Variants in HAUS5 observed in about 807,000 individuals in gnomAD.
The protein encoded by HAUS5 is HAUS augmin like complex subunit 5, also known as HAUS augmin-like complex subunit 5.
Under a neutral mutation model 94.1 loss-of-function variants are expected in HAUS5, and 67 were observed. The observed-to-expected ratio is 0.71, with a 90% CI of 0.58 to 0.87. The LOEUF (loss-of-function observed/expected upper bound fraction) is 0.87. Among genes scored for constraint, HAUS5 ranks in the 40% least tolerant of loss-of-function variants. HAUS5 has a pLI of 0.00. For missense variants in HAUS5, 739 were observed against 825.6 expected (o/e 0.90, Z 1.29); for synonymous variants, 339 against 355.4 (o/e 0.95, Z 0.52).
intron 4 of HAUS5, among the ~76,000 whole-genome samples, chr19:35,614,545 C>G (rs2071924270): frequency 6.6e-6 from 1 of 152,126 alleles, no homozygotes; most frequent in Non-Finnish European, 1.5e-5. Context: ...GATCGCACTA[C>G]TGCACTCCAG....
In HAUS5 at chr19:35,622,734, G is replaced by A. The variant is rs1395859860; in HGVS notation, c.1784+1G>A. 6 of 1,613,856 alleles carry A rather than the reference G, an allele frequency of 3.7e-6. No individual in the cohort carries two copies. The highest frequency in any genetic ancestry group is 4.2e-6 in the Non-Finnish European group (5 of 1,179,898). The stretch of plus-strand genomic sequence containing the variant: ...AGCTGCAGGGGATCGTGGGGGACTG[G>A]TGAGAGGGGAACGTGCCGCGGATGG... On this transcript the variant is annotated splice_donor_variant, in intron 18 of 18. Coordinates refer to ENST00000203166, the MANE Select transcript of HAUS5 (RefSeq NM_015302.2). LOFTEE classifies it high-confidence loss of function.
At chr19:35,615,463 C>A in intron 6 of HAUS5, 77 bp downstream of exon 6, 2 of 1,162,274 alleles carry the variant, frequency 1.7e-6, no homozygotes, top group South Asian at 1.5e-5. Flanking sequence ...CTGCCCTGAT[C>A]CCTTCTTGGG....
chr19:35,622,457 G>A (rs1011819374), intron 17 of HAUS5, 144 bp from the exon 18 acceptor site: 23 of 840,944 alleles, frequency 2.7e-5, no homozygotes, highest in Non-Finnish European at 4.2e-5. Context: ...CTTCCAGGCT[G>A]GGAAGAGAAG....
chr19:35,616,083 G>A lies in HAUS5; in HGVS notation c.485+697G>A, dbSNP rs142494688. On this transcript the variant is annotated intron_variant, in intron 6 of 18. Transcript: ENST00000203166. ...TGTAATCCCAGCACTTTGGGAGGCCGAGGCAGGCGGATTACTTGAGGTCAG... is the reference window on the plus strand; with the variant it reads ...TGTAATCCCAGCACTTTGGGAGGCCAAGGCAGGCGGATTACTTGAGGTCAG... Among the ~76,000 whole-genome samples, 242 of 152,246 alleles carry A rather than the reference G, an allele frequency of 1.6e-3. No individual in the cohort carries two copies. The Middle Eastern group carries it at 0.02, about 13-fold the overall frequency.
intron 4 of HAUS5, 48 bp downstream of exon 4, chr19:35,614,107 G>A: frequency 6.4e-7 from 1 of 1,565,580 alleles, no homozygotes; most frequent in Non-Finnish European, 8.8e-7. Flanking sequence ...AAAATGACTT[G>A]TAGATCTTCT....
At position 35,623,053 on chromosome 19, in the gene HAUS5, C is replaced by A; in HGVS notation, c.*60C>A. 1 of 1,123,118 alleles carries A rather than the reference C, an allele frequency of 8.9e-7. No homozygotes were observed. Among genetic ancestry groups the A allele is most frequent in the Non-Finnish European group, 1.3e-6 (1 of 762,110 alleles). The allele number at this position is 1,123,118 out of a possible 1,614,324, so 69.6% of individuals were successfully genotyped here. On this transcript the variant is annotated 3_prime_UTR_variant, in exon 19 of 19. Coordinates refer to ENST00000203166, the MANE Select transcript of HAUS5 (RefSeq NM_015302.2). ...CTGTTCACCCCAACACCTCACCTCCCCCAGGACATTTGGAAGAAAGCAGCG... is the reference window on the plus strand; with the variant it reads ...CTGTTCACCCCAACACCTCACCTCCACCAGGACATTTGGAAGAAAGCAGCG...
At chr19:35,622,325 G>C (rs983125937) in intron 17 of HAUS5, among the ~76,000 whole-genome samples, 2 of 151,604 alleles carry the variant, frequency 1.3e-5, no homozygotes, top group Admixed American at 6.6e-5. Flanking sequence ...GGCTCTCACG[G>C]GGAGGGAGGA....
chr19:35,622,207 C>T (rs369928646), intron 17 of HAUS5, among the ~76,000 whole-genome samples: 1 of 152,012 alleles, frequency 6.6e-6, no homozygotes, highest in African/African-American at 2.4e-5. Context: ...TCAGGAAGAT[C>T]ACTGTGGTGT....
rs1455619765 is a variant in HAUS5, at chr19:35,618,217, C to T, written c.821+22C>T. On this transcript the variant is annotated intron_variant, in intron 10 of 18. Transcript: ENST00000203166. ...CCAGGTGTGGGGCAGGGTATTCTCA[C>T]AGTTGGGGAAGGCCATGTGAGTGGG... The T allele has an allele frequency of 3.1e-6, 5 of 1,595,022 alleles. No homozygotes were observed. The African/African-American group carries it at 4.0e-5, about 13-fold the overall frequency.
chr19:35,616,912 C>A (rs766191258), intron 6 of HAUS5, among the ~76,000 whole-genome samples: 1 of 152,212 alleles, frequency 6.6e-6, no homozygotes, highest in African/African-American at 2.4e-5. Context: ...GAATCACTGA[C>A]TTCTGGGTGG....
At chr19:35,618,780 G>A in intron 12 of HAUS5, 81 bp downstream of exon 12, 1 of 1,525,916 alleles carries the variant, frequency 6.6e-7, no homozygotes, top group Admixed American at 2.0e-5. Flanking sequence ...CAGCCTCTGT[G>A]GCTCCTATCT....
intron 9 of HAUS5, 68 bp from the exon 10 acceptor site, chr19:35,618,002 TA>T: frequency 6.2e-7 from 1 of 1,601,488 alleles, no homozygotes; most frequent in Non-Finnish European, 8.5e-7. Flanking sequence ...ATGACAGCCC[TA>T]TTCCCATGGG....
intron 8 of HAUS5, 26 bp downstream of exon 8, chr19:35,617,395 C>G: frequency 6.7e-7 from 1 of 1,489,364 alleles, no homozygotes; most frequent in South Asian, 1.1e-5. Context: ...CCCCAGAGAC[C>G]CTGTAAAGAC....
rs200534275 is a variant in HAUS5, at chr19:35,617,282, C to T, written c.556-5C>T. ...CCTCAGGTCCCTTCCTCCTCTTCTC[C>T]CTAGCGTGATGTCCGAACAGCCTGC... On this transcript the variant is annotated splice_polypyrimidine_tract_variant and splice_region_variant and intron_variant, in intron 7 of 18. Coordinates refer to ENST00000203166, the MANE Select transcript of HAUS5 (RefSeq NM_015302.2). 7.2e-4 allele frequency: 1,169 copies of T among 1,613,164 alleles called. 1 individual carries two copies. The highest frequency in any genetic ancestry group is 8.7e-4 in the Non-Finnish European group (1,022 of 1,179,152).
chr19:35,614,598 TAAATA>T (rs1050472181), intron 4 of HAUS5, among the ~76,000 whole-genome samples: 24 of 151,704 alleles, frequency 1.6e-4, no homozygotes, highest in African/African-American at 5.6e-4. Context: ...AAAGAAAAAA[TAAATA>T]AAGAGCATTA....
At chr19:35,620,925 A>G (rs1187628450) in intron 17 of HAUS5, among the ~76,000 whole-genome samples, 1 of 152,208 alleles carries the variant, frequency 6.6e-6, no homozygotes, top group Non-Finnish European at 1.5e-5. Flanking sequence ...CGATGAGGAA[A>G]GGGACTTTTA....
chr19:35,617,431 A>G (rs2071954315), intron 8 of HAUS5, 62 bp downstream of exon 8: 1 of 1,069,276 alleles, frequency 9.4e-7, no homozygotes, highest in Non-Finnish European at 1.4e-6. Flanking sequence ...GGGGTCTCTT[A>G]TTTATTAATT....
chr19:35,619,944 C>A, intron 15 of HAUS5, 68 bp from the exon 16 acceptor site: 4 of 1,561,834 alleles, frequency 2.6e-6, no homozygotes, highest in Non-Finnish European at 2.6e-6. Context: ...TTCCTGGGCC[C>A]CCAGAGCCTC....
At position 35,618,057 on chromosome 19, in the gene HAUS5, C is replaced by T. The variant is rs776529395; in HGVS notation, c.697-14C>T. 53 of 1,582,304 alleles carry T rather than the reference C, an allele frequency of 3.3e-5. No homozygotes were observed. Among genetic ancestry groups the T allele is most frequent in the Admixed American group, 1.6e-4 (9 of 57,558 alleles). ...GCCCCGATCCTGCCCTGACTTCACC[C>T]TCCCTCCCCCTAGACGCTGCTGACA... On this transcript the variant is annotated splice_polypyrimidine_tract_variant and intron_variant, in intron 9 of 18. Coordinates refer to ENST00000203166, the MANE Select transcript of HAUS5 (RefSeq NM_015302.2).
Sources: gnomAD v4.1 joint callset for allele counts (sites outside exome capture counted in the v4.1 genomes callset) on GRCh38, gnomAD v4.1.1 for gene constraint, MANE v1.5 for transcripts, NCBI Gene and HGNC (gene_info 2026-07-23, HGNC 2026-07-21) for gene names.